Variants in CDK14 observed in about 807,000 individuals in gnomAD.
CDK14 encodes the protein cyclin dependent kinase 14, also known as cyclin-dependent kinase 14.
CDK14 carries 34 observed loss-of-function variants against 60.7 expected under a neutral mutation model. That is an observed-to-expected ratio of 0.56 (90% CI 0.43 to 0.75). The LOEUF is 0.75. Among genes scored for constraint, CDK14 ranks in the 30% least tolerant of loss-of-function variants. The probability of loss-of-function intolerance (pLI) is 0.00; values close to 1 mark genes in which losing one functional copy is unlikely to be tolerated. For missense variants in CDK14, 482 were observed against 564.1 expected (o/e 0.85, Z 1.47); for synonymous variants, 197 against 203.7 (o/e 0.97, Z 0.28).
chr7:91,061,871 T>G (rs1426950192), intron 11 of CDK14, among the ~76,000 whole-genome samples: 1 of 152,254 alleles, frequency 6.6e-6, no homozygotes, highest in Admixed American at 6.5e-5. Context: ...GGAGGCAGTC[T>G]GTCCATTCTC....
At chr7:90,837,948 T>C (rs1790166406) in intron 5 of CDK14, among the ~76,000 whole-genome samples, 2 of 152,092 alleles carry the variant, frequency 1.3e-5, no homozygotes, top group Non-Finnish European at 2.9e-5. Flanking sequence ...GGGGAAAGGA[T>C]GTGTTGTTTG....
At chr7:91,002,332 T>TA (rs749437748) in intron 10 of CDK14, among the ~76,000 whole-genome samples, 63 of 152,336 alleles carry the variant, frequency 4.1e-4, no homozygotes, top group Non-Finnish European at 7.1e-4. Context: ...ATATTTGCTT[T>TA]ATGTTATAAT....
intron 6 of CDK14, among the ~76,000 whole-genome samples, chr7:90,874,689 C>T (rs1410811419): frequency 5.3e-5 from 8 of 149,936 alleles, no homozygotes; most frequent in African/African-American, 1.5e-4. Flanking sequence ...CCACCGTGCC[C>T]GGCTAATTTT....
At chr7:90,850,746 G>T (rs1336764804) in intron 5 of CDK14, among the ~76,000 whole-genome samples, 4 of 152,174 alleles carry the variant, frequency 2.6e-5, no homozygotes, top group Admixed American at 2.6e-4. Context: ...GGAGCCTGTT[G>T]TGCGGGCTCT....
chr7:91,138,384 G>C (rs1282166010), intron 14 of CDK14, among the ~76,000 whole-genome samples: 1 of 152,110 alleles, frequency 6.6e-6, no homozygotes, highest in Non-Finnish European at 1.5e-5. Flanking sequence ...AGAGCCTCTT[G>C]CTAAAATAAA....
At chr7:90,850,873 C>T (rs973926094) in intron 5 of CDK14, among the ~76,000 whole-genome samples, 1 of 152,132 alleles carries the variant, frequency 6.6e-6, no homozygotes, top group African/African-American at 2.4e-5. Flanking sequence ...TCCCCCTTTA[C>T]TTATTACTGT....
At chr7:91,087,957 TA>T (rs1471580507) in intron 12 of CDK14, among the ~76,000 whole-genome samples, 4 of 152,194 alleles carry the variant, frequency 2.6e-5, no homozygotes, top group Admixed American at 6.5e-5. Flanking sequence ...CACATTTTAT[TA>T]GACAGTTTTC....
intron 9 of CDK14, among the ~76,000 whole-genome samples, chr7:90,960,862 A>G (rs75899391): frequency 4.6e-5 from 7 of 152,128 alleles, no homozygotes; most frequent in African/African-American, 1.7e-4. Flanking sequence ...TTTGTTCTAT[A>G]TGAGGTCCTG....
chr7:91,130,002 G>A (rs1041428252), intron 14 of CDK14, among the ~76,000 whole-genome samples: 1 of 152,108 alleles, frequency 6.6e-6, no homozygotes. Flanking sequence ...CATTGATATA[G>A]TTTCAGATTC....
intron 6 of CDK14, among the ~76,000 whole-genome samples, chr7:90,893,268 G>A (rs1051319643): frequency 6.6e-6 from 1 of 152,170 alleles, no homozygotes; most frequent in African/African-American, 2.4e-5. Flanking sequence ...GGAAAGTGTG[G>A]GAAGAAGAGG....
chr7:90,762,695 T>G (rs1804367986), intron 4 of CDK14, among the ~76,000 whole-genome samples: 1 of 152,126 alleles, frequency 6.6e-6, no homozygotes, highest in East Asian at 1.9e-4. Context: ...AATTAAAAGA[T>G]AGCTGGAAGG....
chr7:91,026,828 A>G (rs1159892201), intron 10 of CDK14, among the ~76,000 whole-genome samples: 1 of 152,196 alleles, frequency 6.6e-6, no homozygotes, highest in Non-Finnish European at 1.5e-5. Context: ...TCTGACCATT[A>G]TAAATTCCCT....
rs983710180 is a variant in CDK14 at position 91,209,467 on chromosome 7, C to T, written c.*2331C>T. 2.0e-5 allele frequency: 3 copies of T among 151,084 alleles called. No individual in the cohort carries two copies. Among genetic ancestry groups the T allele is most frequent in the African/African-American group, 4.9e-5 (2 of 41,056 alleles). The allele number at this position is 151,084 out of a possible 1,614,324, so 9.4% of individuals were successfully genotyped here. ...TCACTCCCTCCCTCCCTCTCTCCTT[C>T]CCCTATTTGCAATCATATTCTCCCT... On this transcript the variant is annotated 3_prime_UTR_variant, in exon 15 of 15. Transcript: ENST00000380050.
chr7:90,768,892 T>C (rs1377203353), intron 4 of CDK14, among the ~76,000 whole-genome samples: 1 of 152,250 alleles, frequency 6.6e-6, no homozygotes, highest in African/African-American at 2.4e-5. Flanking sequence ...GTTGCTTATC[T>C]ACCATGGACA....
At chr7:91,175,999 A>G (rs1209878568) in intron 14 of CDK14, among the ~76,000 whole-genome samples, 2 of 152,192 alleles carry the variant, frequency 1.3e-5, no homozygotes, top group Non-Finnish European at 1.5e-5. Flanking sequence ...AAATCAACAG[A>G]ATACACATTC....
intron 14 of CDK14, among the ~76,000 whole-genome samples, chr7:91,132,861 T>C (rs889049780): frequency 6.6e-6 from 1 of 152,170 alleles, no homozygotes; most frequent in Non-Finnish European, 1.5e-5. Flanking sequence ...TGCAACTCTG[T>C]TGTGACTCTG....
chr7:90,598,940 G>T lies in CDK14; in HGVS notation c.91+2222G>T, dbSNP rs983834256. Among the ~76,000 whole-genome samples the T allele has an allele frequency of 1.3e-3, 191 of 151,776 alleles. 2 individuals carry two copies. Among genetic ancestry groups the T allele is most frequent in the Admixed American group, 7.9e-4 (12 of 15,232 alleles). ...GGGATGGTCTCGATCTCCTGACCTC[G>T]TGATCCGCCCGCCTCGGCCTCCCAA... On this transcript the variant is annotated intron_variant, in intron 1 of 14. Transcript: ENST00000380050.
At chr7:90,846,097 C>T (rs1356251021) in intron 5 of CDK14, among the ~76,000 whole-genome samples, 1 of 152,150 alleles carries the variant, frequency 6.6e-6, no homozygotes, top group Non-Finnish European at 1.5e-5. Context: ...TTACTTCAAA[C>T]ATTTTGGTTT....
In CDK14 at chr7:90,968,407, C is replaced by T. The variant is rs1358694716; in HGVS notation, c.947+12590C>T. ...AAACGTATTCATAGTATGTGACAGT[C>T]GCTTAGTAATTACTAATGACAGAAT... On this transcript the variant is annotated intron_variant, in intron 9 of 14. Transcript: ENST00000380050. Among the ~76,000 whole-genome samples, 5 of 152,204 alleles carry T rather than the reference C, an allele frequency of 3.3e-5. No homozygotes were observed. In the East Asian group the frequency reaches 7.7e-4, roughly 23 times the overall value.
Sources: gnomAD v4.1 joint callset for allele counts (sites outside exome capture counted in the v4.1 genomes callset) on GRCh38, gnomAD v4.1.1 for gene constraint, MANE v1.5 for transcripts, NCBI Gene and HGNC (gene_info 2026-07-23, HGNC 2026-07-21) for gene names.